RBFOX1: variants seen among roughly 807,000 people sequenced by gnomAD.
RBFOX1 encodes RNA binding protein fox-1 homolog 1.
A neutral mutation model predicts 57.7 loss-of-function variants in RBFOX1; 8 were observed. The observed-to-expected ratio is 0.14, with a 90% CI of 0.08 to 0.25. The LOEUF (loss-of-function observed/expected upper bound fraction) is 0.25. Ranked by LOEUF, RBFOX1 falls within the 10% of genes least tolerant of loss-of-function variation. The pLI is 1.00. For synonymous variants in RBFOX1, 326 were observed against 222.4 expected (o/e 1.47, Z -4.15); for missense variants, 611 against 548.5 (o/e 1.11, Z -1.14).
chr16:6,969,837 T>A (rs1418266056), intron 3 of RBFOX1, among the ~76,000 whole-genome samples: 1 of 152,152 alleles, frequency 6.6e-6, no homozygotes, highest in Non-Finnish European at 1.5e-5. Flanking sequence ...GCCCTAATTC[T>A]GAGTGTCAGC....
intron 3 of RBFOX1, among the ~76,000 whole-genome samples, chr16:6,969,323 A>T (rs1457583136): frequency 6.6e-6 from 1 of 152,152 alleles, no homozygotes; most frequent in Non-Finnish European, 1.5e-5. Flanking sequence ...GGTCAGGATT[A>T]GGGTGCATTG....
At chr16:7,234,746 T>C (rs909372137) in intron 4 of RBFOX1, among the ~76,000 whole-genome samples, 4 of 151,416 alleles carry the variant, frequency 2.6e-5, no homozygotes, top group African/African-American at 9.7e-5. Context: ...AAATACCCTG[T>C]GCTGAACGGA....
At chr16:5,441,860 CA>C (rs1216824021) in intron 1 of RBFOX1, among the ~76,000 whole-genome samples, 2 of 152,142 alleles carry the variant, frequency 1.3e-5, no homozygotes, top group African/African-American at 2.4e-5. Context: ...TCACGAAAAA[CA>C]GATAGGGGAA....
intron 2 of RBFOX1, among the ~76,000 whole-genome samples, chr16:6,429,595 G>A (rs1237207756): frequency 2.0e-5 from 3 of 152,258 alleles, no homozygotes; most frequent in East Asian, 1.9e-4. Context: ...ATTTTGAAAT[G>A]TAATAATCCC....
chr16:6,817,099 C>T (rs546744307), intron 3 of RBFOX1, among the ~76,000 whole-genome samples: 1 of 152,278 alleles, frequency 6.6e-6, no homozygotes, highest in East Asian at 1.9e-4. Context: ...ATCTAGGTGA[C>T]TGTGGATACA....
chr16:6,849,544 C>T (rs537160234), intron 3 of RBFOX1, among the ~76,000 whole-genome samples: 4 of 152,242 alleles, frequency 2.6e-5, no homozygotes, highest in African/African-American at 4.8e-5. Flanking sequence ...TGGTGCATGC[C>T]TGTAGTCCCA....
At chr16:5,841,630 C>G (rs750843713) in intron 3 of RBFOX1, among the ~76,000 whole-genome samples, 6 of 152,202 alleles carry the variant, frequency 3.9e-5, no homozygotes, top group Non-Finnish European at 8.8e-5. Flanking sequence ...TTCTGTTAAT[C>G]TCTATCTGTC....
chr16:6,378,917 A>G (rs1179649787), intron 2 of RBFOX1, among the ~76,000 whole-genome samples: 4 of 152,160 alleles, frequency 2.6e-5, no homozygotes, highest in Non-Finnish European at 5.9e-5. Context: ...CAAGGGTGGA[A>G]TTGGTAGCAC....
chr16:5,816,174 C>G (rs201523829), intron 3 of RBFOX1, among the ~76,000 whole-genome samples: 40 of 152,268 alleles, frequency 2.6e-4, no homozygotes, highest in Non-Finnish European at 5.3e-4. Flanking sequence ...AAAGATGCTC[C>G]TCATCCTTCA....
intron 1 of RBFOX1, among the ~76,000 whole-genome samples, chr16:5,406,787 C>G (rs1423685082): frequency 6.6e-6 from 1 of 152,078 alleles, no homozygotes; most frequent in African/African-American, 2.4e-5. Flanking sequence ...CAATAGTGAA[C>G]TCTCATGAAT....
At chr16:5,553,308 A>G (rs150304366) in intron 2 of RBFOX1, among the ~76,000 whole-genome samples, 1 of 143,974 alleles carries the variant, frequency 6.9e-6, no homozygotes, top group African/African-American at 2.6e-5. Context: ...TGTATGCCAT[A>G]TGTCTGAATA....
chr16:7,215,136 C>G (rs1329205412), intron 4 of RBFOX1, among the ~76,000 whole-genome samples: 1 of 152,152 alleles, frequency 6.6e-6, no homozygotes, highest in South Asian at 2.1e-4. Context: ...TCAACTCCCA[C>G]TTATGAGTGA....
At chr16:6,199,494 T>A (rs1387940428) in intron 1 of RBFOX1, among the ~76,000 whole-genome samples, 1 of 152,196 alleles carries the variant, frequency 6.6e-6, no homozygotes, top group Non-Finnish European at 1.5e-5. Context: ...ATGGATCACG[T>A]CACCAAAAGG....
intron 4 of RBFOX1, among the ~76,000 whole-genome samples, chr16:7,452,853 G>A (rs1015603501): frequency 1.3e-5 from 2 of 152,146 alleles, no homozygotes; most frequent in African/African-American, 4.8e-5. Flanking sequence ...GTGAGGCCAG[G>A]CACAGTGGCT....
intron 2 of RBFOX1, among the ~76,000 whole-genome samples, chr16:5,468,352 C>T (rs1298138171): frequency 6.6e-6 from 1 of 152,106 alleles, no homozygotes; most frequent in Non-Finnish European, 1.5e-5. Context: ...CCCTGTTGTT[C>T]TCCTCTCCCT....
At chr16:7,467,710 C>A (rs1250201285) in intron 4 of RBFOX1, among the ~76,000 whole-genome samples, 1 of 152,222 alleles carries the variant, frequency 6.6e-6, no homozygotes, top group Non-Finnish European at 1.5e-5. Flanking sequence ...AAACTCGGAT[C>A]TGTCTACTGG....
intron 1 of RBFOX1, among the ~76,000 whole-genome samples, chr16:6,078,189 A>G (rs1352043506): frequency 6.6e-6 from 1 of 152,142 alleles, no homozygotes; most frequent in Non-Finnish European, 1.5e-5. Flanking sequence ...CTTTGTACAT[A>G]ACAAATCATG....
At chr16:7,250,822 G>C (rs543372508) in intron 4 of RBFOX1, among the ~76,000 whole-genome samples, 1 of 152,122 alleles carries the variant, frequency 6.6e-6, no homozygotes, top group East Asian at 1.9e-4. Context: ...TGGCTACTCT[G>C]TTTCCTTCTT....
intron 3 of RBFOX1, among the ~76,000 whole-genome samples, chr16:6,814,529 C>G (rs185384868): frequency 1.3e-5 from 2 of 152,078 alleles, no homozygotes; most frequent in East Asian, 1.9e-4. Context: ...TTAATAATGA[C>G]AATCCTTAGT....
Sources: allele counts gnomAD v4.1 joint callset (sites outside exome capture counted in the v4.1 genomes callset), GRCh38; gene constraint gnomAD v4.1.1; transcripts MANE v1.5; gene names NCBI Gene and HGNC (gene_info 2026-07-23, HGNC 2026-07-21).